Variants in THSD7B observed in about 807,000 individuals in gnomAD.
The protein encoded by THSD7B is thrombospondin type 1 domain containing 7B.
In THSD7B, 138 loss-of-function variants were observed where a neutral mutation model predicts 213.6. The ratio of observed to expected loss-of-function variants is 0.65; its 90% CI spans 0.56 to 0.74. The LOEUF is 0.74. Among genes scored for constraint, THSD7B ranks in the 30% least tolerant of loss-of-function variants. THSD7B has a pLI of 0.00. For synonymous variants in THSD7B, 742 were observed against 687.0 expected, an observed-to-expected ratio of 1.08 and a Z score of -1.25; for missense variants, 1,931 against 1,991.5, an observed-to-expected ratio of 0.97 and a Z score of 0.58.
At chr2:137,557,635 T>C (rs1681006226) in intron 15 of THSD7B, among the ~76,000 whole-genome samples, 1 of 151,934 alleles carries the variant, frequency 6.6e-6, no homozygotes, top group Admixed American at 6.6e-5. Flanking sequence ...ATTGACACCC[T>C]AACATCACAA....
intron 2 of THSD7B, among the ~76,000 whole-genome samples, chr2:136,955,077 G>A (rs76758682): frequency 6.6e-6 from 1 of 152,124 alleles, no homozygotes; most frequent in Non-Finnish European, 1.5e-5. Flanking sequence ...AGACTAGATT[G>A]GAGGGTTAGG....
intron 4 of THSD7B, among the ~76,000 whole-genome samples, chr2:137,109,369 A>G (rs190763357): frequency 1.1e-3 from 166 of 152,356 alleles, no homozygotes; most frequent in African/African-American, 3.8e-3. Flanking sequence ...TTTGTGGAAG[A>G]TAATTTTTCC....
At chr2:136,772,445 T>A (rs1681524929) in intron 1 of THSD7B, among the ~76,000 whole-genome samples, 1 of 152,136 alleles carries the variant, frequency 6.6e-6, no homozygotes, top group South Asian at 2.1e-4. Flanking sequence ...ATACATTCAC[T>A]TATAAAAGTG....
intron 17 of THSD7B, among the ~76,000 whole-genome samples, chr2:137,615,010 TAAG>T (rs1035494947): frequency 6.6e-5 from 10 of 152,160 alleles, no homozygotes; most frequent in African/African-American, 2.2e-4. Flanking sequence ...TCCCATGACT[TAAG>T]AATCTATGGG....
chr2:137,628,644 C>T (rs763443937), intron 20 of THSD7B, among the ~76,000 whole-genome samples: 7 of 152,206 alleles, frequency 4.6e-5, no homozygotes, highest in Non-Finnish European at 8.8e-5. Flanking sequence ...CTGCCATAAG[C>T]ACTACAGTGT....
intron 13 of THSD7B, among the ~76,000 whole-genome samples, chr2:137,407,690 C>T (rs1488202774): frequency 1.3e-5 from 2 of 152,080 alleles, no homozygotes; most frequent in East Asian, 3.8e-4. Flanking sequence ...AACACACACA[C>T]TGAAACATAT....
intron 2 of THSD7B, among the ~76,000 whole-genome samples, chr2:137,027,113 T>G (rs1400601991): frequency 6.6e-6 from 1 of 152,212 alleles, no homozygotes; most frequent in African/African-American, 2.4e-5. Flanking sequence ...CACTGCGTGG[T>G]TATTAAATTA....
At position 137,623,062 on chromosome 2, in the gene THSD7B, C is replaced by T. The variant is rs562191052; in HGVS notation, c.3799+2336C>T. Among the ~76,000 whole-genome samples the T allele has an allele frequency of 2.5e-3, 385 of 152,166 alleles. 1 individual carries two copies. Among genetic ancestry groups the T allele is most frequent in the African/African-American group, 6.9e-3 (287 of 41,528 alleles). ...TTAGACCAATATCCTTGATGAACAT[C>T]GATGCAAAAATCCTCAATAAAATAC... On this transcript the variant is annotated intron_variant, in intron 20 of 27. Coordinates refer to ENST00000409968, the MANE Select transcript of THSD7B (RefSeq NM_001316349.2).
chr2:137,072,164 G>C (rs981069583), intron 3 of THSD7B, among the ~76,000 whole-genome samples: 8 of 152,258 alleles, frequency 5.3e-5, no homozygotes, highest in African/African-American at 1.9e-4. Context: ...GTAGCTTGAT[G>C]AGGATGGCAT....
intron 25 of THSD7B, 111 bp from the exon 26 acceptor site, chr2:137,663,272 C>G: frequency 1.1e-6 from 1 of 904,518 alleles, no homozygotes; most frequent in Non-Finnish European, 1.5e-6. Context: ...GCCCCAAACC[C>G]TACATTGCCA....
intron 4 of THSD7B, among the ~76,000 whole-genome samples, chr2:137,105,457 C>T (rs4954464): frequency 0.65 from 98,501 of 152,012 alleles, 35,054 homozygotes; most frequent in Middle Eastern, 0.8. Context: ...TCATACTGAA[C>T]GAGCAAAAAC....
intron 7 of THSD7B, among the ~76,000 whole-genome samples, chr2:137,210,369 G>T (rs887808726): frequency 4.6e-5 from 7 of 151,994 alleles, no homozygotes; most frequent in African/African-American, 1.7e-4. Flanking sequence ...ATGTGGAGTT[G>T]AAAAAAATGT....
chr2:137,232,975 C>A lies in THSD7B; in HGVS notation c.1992C>A (p.His664Gln), dbSNP rs1315977723. The A allele has an allele frequency of 6.2e-7, 1 of 1,613,970 alleles. No homozygotes were observed. The highest frequency in any genetic ancestry group is 1.1e-5 in the South Asian group (1 of 91,082). ...LCNDHSCMQL[H>Q]WETSPWGPCS... is the part of the protein sequence containing the mutation. ...ATGACCATTCCTGTATGCAGCTTCA[C>A]TGGGAGACATCGCCTTGGGGCCCTT... The change falls in exon 9 of 28, where the codon CAC (histidine) becomes CAA (glutamine). Residue 664 changes from histidine (H) to glutamine (Q), a missense_variant. By Grantham distance (24) the His-to-Gln change is conservative. Transcript: ENST00000409968.
intron 21 of THSD7B, among the ~76,000 whole-genome samples, chr2:137,645,741 A>G (rs889309054): frequency 2.6e-5 from 4 of 152,166 alleles, no homozygotes; most frequent in African/African-American, 9.7e-5. Flanking sequence ...GTACTTTCAA[A>G]ACTTTCAAAT....
At chr2:137,405,429 C>T (rs779537778) in intron 12 of THSD7B, among the ~76,000 whole-genome samples, 184 bp from the exon 13 acceptor site, 1 of 152,064 alleles carries the variant, frequency 6.6e-6, no homozygotes, top group Non-Finnish European at 1.5e-5. Flanking sequence ...CCTCAAATAC[C>T]TCCAATGACA....
intron 10 of THSD7B, among the ~76,000 whole-genome samples, chr2:137,265,287 T>C (rs1292552090): frequency 2.6e-5 from 4 of 152,124 alleles, no homozygotes; most frequent in Non-Finnish European, 5.9e-5. Flanking sequence ...CCAGTTAGAA[T>C]GGCAATCATT....
intron 12 of THSD7B, among the ~76,000 whole-genome samples, chr2:137,285,049 G>A (rs900874767): frequency 2.6e-5 from 4 of 152,112 alleles, no homozygotes; most frequent in African/African-American, 9.7e-5. Flanking sequence ...CTCTTCGTAG[G>A]TCACTAAGGA....
chr2:137,552,710 A>G (rs1355876885), intron 15 of THSD7B, among the ~76,000 whole-genome samples: 1 of 152,232 alleles, frequency 6.6e-6, no homozygotes, highest in African/African-American at 2.4e-5. Context: ...ATATGAATGC[A>G]TGGTTGATAA....
intron 1 of THSD7B, among the ~76,000 whole-genome samples, chr2:136,794,450 A>G (rs1350763186): frequency 6.6e-6 from 1 of 150,434 alleles, no homozygotes. Flanking sequence ...TTTTTTTCCT[A>G]TTTTCTTATT....
Sources: gnomAD v4.1 joint callset for allele counts (sites outside exome capture counted in the v4.1 genomes callset) on GRCh38, gnomAD v4.1.1 for gene constraint, MANE v1.5 for transcripts, NCBI Gene and HGNC (gene_info 2026-07-23, HGNC 2026-07-21) for gene names.